The following CYP7B1 variants were observed in gnomAD, a reference collection of about 807,000 sequenced individuals.
CYP7B1 encodes cytochrome P450 family 7 subfamily B member 1.
CYP7B1 carries 29 observed loss-of-function variants against 42.7 expected under a neutral mutation model. That is an observed-to-expected ratio of 0.68 (90% CI 0.51 to 0.93). The LOEUF (loss-of-function observed/expected upper bound fraction) is 0.93. CYP7B1 is among the 40% of genes least tolerant of loss of function. The pLI is 0.00. For synonymous variants in CYP7B1, 235 were observed against 218.2 expected, an observed-to-expected ratio of 1.08 and a Z score of -0.68; for missense variants, 655 against 600.5, an observed-to-expected ratio of 1.09 and a Z score of -0.95.
intron 1 of CYP7B1, among the ~76,000 whole-genome samples, chr8:64,791,955 G>A (rs192077848): frequency 6.6e-6 from 1 of 152,106 alleles, no homozygotes; most frequent in African/African-American, 2.4e-5. Context: ...TAAGTAAGGG[G>A]TATGGTAAAG....
At chr8:64,738,372 T>A (rs977142881) in intron 1 of CYP7B1, among the ~76,000 whole-genome samples, 2 of 146,832 alleles carry the variant, frequency 1.4e-5, no homozygotes, top group Non-Finnish European at 3.1e-5. Context: ...GAAAAAAAAA[T>A]CTTCTCAAAG....
intron 1 of CYP7B1, among the ~76,000 whole-genome samples, chr8:64,643,130 T>C (rs1360159203): frequency 1.1e-4 from 15 of 131,118 alleles, no homozygotes; most frequent in East Asian, 2.1e-4. Context: ...CATATATACA[T>C]ATATATACAT....
chr8:64,719,760 C>G (rs1412479148), intron 1 of CYP7B1, among the ~76,000 whole-genome samples: 1 of 152,288 alleles, frequency 6.6e-6, no homozygotes, highest in Non-Finnish European at 1.5e-5. Flanking sequence ...GAACAGCCCA[C>G]GCATAAAATG....
chr8:64,791,103 G>A (rs565615035), intron 1 of CYP7B1, among the ~76,000 whole-genome samples: 36 of 152,280 alleles, frequency 2.4e-4, no homozygotes, highest in Admixed American at 1.7e-3. Context: ...TCAACCCACA[G>A]AAGAAAGCAA....
chr8:64,655,657 T>C (rs76288073), intron 1 of CYP7B1, among the ~76,000 whole-genome samples: 128,913 of 152,212 alleles, frequency 0.85, 54,846 homozygotes, highest in Middle Eastern at 0.9. Flanking sequence ...AACCCCATTA[T>C]TGTGTATATA....
intron 1 of CYP7B1, among the ~76,000 whole-genome samples, chr8:64,635,779 T>C (rs1563371539): frequency 7.2e-5 from 11 of 152,240 alleles, no homozygotes. Flanking sequence ...TCAAGCCATA[T>C]ACCAGCTGAA....
At chr8:64,638,677 T>C (rs190853161) in intron 1 of CYP7B1, among the ~76,000 whole-genome samples, 63 of 152,130 alleles carry the variant, frequency 4.1e-4, no homozygotes, top group African/African-American at 1.4e-3. Flanking sequence ...AATTCCAGGG[T>C]GGAGTAAGGG....
At chr8:64,705,616 T>A (rs906633131) in intron 1 of CYP7B1, among the ~76,000 whole-genome samples, 3 of 151,916 alleles carry the variant, frequency 2.0e-5, no homozygotes, top group Non-Finnish European at 2.9e-5. Flanking sequence ...GTAATAGAAT[T>A]ACTTAGAATT....
chr8:64,798,390 C>G (rs1369963662), intron 1 of CYP7B1, 76 bp downstream of exon 1: 1 of 1,424,446 alleles, frequency 7.0e-7, no homozygotes, highest in African/African-American at 1.5e-5. Context: ...TGGAGGGGGA[C>G]TCCCCTCGCC....
At chr8:64,732,062 T>C (rs1261730438) in intron 1 of CYP7B1, among the ~76,000 whole-genome samples, 1 of 152,010 alleles carries the variant, frequency 6.6e-6, no homozygotes, top group Non-Finnish European at 1.5e-5. Flanking sequence ...AAATGTGGAG[T>C]AGGAGCCCAC....
At chr8:64,712,444 CAG>C (rs1323910022) in intron 1 of CYP7B1, among the ~76,000 whole-genome samples, 2 of 151,996 alleles carry the variant, frequency 1.3e-5, no homozygotes, top group Non-Finnish European at 2.9e-5. Flanking sequence ...AAGATAAACA[CAG>C]AGTCATCATT....
intron 1 of CYP7B1, among the ~76,000 whole-genome samples, chr8:64,641,447 T>C (rs921402113): frequency 6.6e-6 from 1 of 152,152 alleles, no homozygotes; most frequent in Admixed American, 6.6e-5. Context: ...AAGTATTCAA[T>C]ATCACCAAGA....
chr8:64,623,647 G>C (rs1397771334), intron 2 of CYP7B1, among the ~76,000 whole-genome samples: 1 of 152,120 alleles, frequency 6.6e-6, no homozygotes, highest in Admixed American at 6.5e-5. Context: ...TAGCAATTCT[G>C]CTGTTTTTTT....
chr8:64,640,429 G>T (rs1051296159), intron 1 of CYP7B1, among the ~76,000 whole-genome samples: 2 of 152,036 alleles, frequency 1.3e-5, no homozygotes, highest in Non-Finnish European at 2.9e-5. Context: ...GAAAGCAAGG[G>T]CCTATCTACA....
chr8:64,744,361 T>C (rs951761826), intron 1 of CYP7B1, among the ~76,000 whole-genome samples: 5 of 152,096 alleles, frequency 3.3e-5, no homozygotes, highest in Admixed American at 1.3e-4. Context: ...CTTTTTTTTT[T>C]CCTTTTCTCA....
intron 1 of CYP7B1, among the ~76,000 whole-genome samples, chr8:64,771,436 C>A (rs1021970163): frequency 2.0e-5 from 3 of 152,104 alleles, no homozygotes; most frequent in Admixed American, 2.0e-4. Context: ...GGAGTCTACA[C>A]GTTTTGTCAG....
chr8:64,646,205 T>C (rs996573728), intron 1 of CYP7B1, among the ~76,000 whole-genome samples: 1 of 151,960 alleles, frequency 6.6e-6, no homozygotes, highest in Non-Finnish European at 1.5e-5. Flanking sequence ...AAATGGGATC[T>C]AATTAAACTA....
intron 1 of CYP7B1, among the ~76,000 whole-genome samples, chr8:64,735,593 T>A (rs1378509202): frequency 6.6e-6 from 1 of 152,236 alleles, no homozygotes. Context: ...TTTATTTTCA[T>A]GTATACATGA....
intron 2 of CYP7B1, among the ~76,000 whole-genome samples, chr8:64,623,222 C>A (rs771919760): frequency 6.6e-5 from 10 of 152,218 alleles, no homozygotes; most frequent in Non-Finnish European, 1.3e-4. Context: ...TCTTTCCCTG[C>A]CCTTGATTCT....
Sources: gnomAD v4.1 joint callset for allele counts (sites outside exome capture counted in the v4.1 genomes callset) on GRCh38, gnomAD v4.1.1 for gene constraint, MANE v1.5 for transcripts, NCBI Gene and HGNC (gene_info 2026-07-23, HGNC 2026-07-21) for gene names.